CLVS1: variants seen among roughly 807,000 people sequenced by gnomAD.
CLVS1 encodes clavesin 1.
In CLVS1, 10 loss-of-function variants were observed where a neutral mutation model predicts 33.1. That is an observed-to-expected ratio of 0.30 (90% CI 0.19 to 0.51). The LOEUF is 0.51. CLVS1 is among the 20% of genes least tolerant of loss of function. The probability of loss-of-function intolerance (pLI) is 0.97; values close to 1 mark genes in which losing one functional copy is unlikely to be tolerated. For missense variants in CLVS1, 343 were observed against 433.4 expected (o/e 0.79, Z 1.85); for synonymous variants, 163 against 166.1 (o/e 0.98, Z 0.14).
intron 2 of CLVS1, among the ~76,000 whole-genome samples, chr8:61,352,510 CAAT>C (rs1390221781): frequency 1.3e-5 from 2 of 151,880 alleles, no homozygotes; most frequent in Non-Finnish European, 2.9e-5. Flanking sequence ...CAAGCTTCAA[CAAT>C]ATTTTACAAG....
the CLVS1 span, among the ~76,000 whole-genome samples, chr8:61,049,169 G>A: frequency 6.6e-6 from 1 of 152,136 alleles, no homozygotes; most frequent in African/African-American, 2.4e-5. Context: ...GAAGAGATGG[G>A]GTTACAGTGG....
intron 2 of CLVS1, among the ~76,000 whole-genome samples, chr8:61,164,195 G>T (rs1381901133): frequency 6.6e-6 from 1 of 152,212 alleles, no homozygotes; most frequent in East Asian, 1.9e-4. Context: ...AAAGATGGGT[G>T]CGGTCACCTT....
At chr8:61,471,369 G>T (rs1445328878) in intron 5 of CLVS1, among the ~76,000 whole-genome samples, 2 of 152,074 alleles carry the variant, frequency 1.3e-5, no homozygotes, top group Non-Finnish European at 2.9e-5. Flanking sequence ...TTTTGTCACG[G>T]TTTTGATTTC....
chr8:61,401,264 T>C (rs1814738719), intron 3 of CLVS1, among the ~76,000 whole-genome samples: 1 of 151,906 alleles, frequency 6.6e-6, no homozygotes, highest in Non-Finnish European at 1.5e-5. Context: ...TACATTTTAC[T>C]TATTTATTTT....
chr8:61,354,360 TG>T (rs1812598104), intron 2 of CLVS1, among the ~76,000 whole-genome samples: 1 of 152,044 alleles, frequency 6.6e-6, no homozygotes, highest in African/African-American at 2.4e-5. Context: ...TCATCAAGAT[TG>T]CCAGTGAAAA....
intron 1 of CLVS1, among the ~76,000 whole-genome samples, chr8:61,100,990 G>A (rs1287332952): frequency 6.6e-6 from 1 of 151,966 alleles, no homozygotes; most frequent in Non-Finnish European, 1.5e-5. Context: ...CAGACACATT[G>A]GTTGTTTTCA....
intron 3 of CLVS1, among the ~76,000 whole-genome samples, chr8:61,437,989 T>C (rs1284697829): frequency 6.6e-6 from 1 of 152,206 alleles, no homozygotes; most frequent in Non-Finnish European, 1.5e-5. Context: ...GGCCTCTGAA[T>C]TGATGTGTGA....
chr8:61,330,881 G>A (rs1474361254), intron 2 of CLVS1, among the ~76,000 whole-genome samples: 1 of 151,720 alleles, frequency 6.6e-6, no homozygotes, highest in African/African-American at 2.4e-5. Flanking sequence ...TTTGAGCCTG[G>A]GAGTTCAAGA....
intron 5 of CLVS1, among the ~76,000 whole-genome samples, chr8:61,463,413 G>A (rs1201764050): frequency 6.6e-6 from 1 of 152,150 alleles, no homozygotes; most frequent in Non-Finnish European, 1.5e-5. Flanking sequence ...CATGCAAGAG[G>A]CCTAGCTTTC....
At chr8:61,443,434 G>T (rs1391669202) in intron 3 of CLVS1, among the ~76,000 whole-genome samples, 2 of 151,744 alleles carry the variant, frequency 1.3e-5, no homozygotes, top group African/African-American at 4.8e-5. Context: ...GGTTAAGTCA[G>T]GTATTTTTTT....
upstream of CLVS1, among the ~76,000 whole-genome samples, chr8:61,285,273 G>A (rs994143899): frequency 6.6e-6 from 1 of 152,222 alleles, no homozygotes; most frequent in Non-Finnish European, 1.5e-5. Context: ...TTGGCTAGAT[G>A]TGAACTTAAT....
intron 2 of CLVS1, among the ~76,000 whole-genome samples, chr8:61,144,769 C>T (rs941143903): frequency 1.3e-5 from 2 of 152,190 alleles, no homozygotes; most frequent in African/African-American, 4.8e-5. Context: ...GAGATGGTAT[C>T]TCATTGTGCT....
chr8:61,160,546 C>A (rs1298407474), intron 2 of CLVS1, among the ~76,000 whole-genome samples: 1 of 152,196 alleles, frequency 6.6e-6, no homozygotes, highest in East Asian at 1.9e-4. Flanking sequence ...ACCCTCAGGG[C>A]CTTAGAGTAT....
the CLVS1 span, among the ~76,000 whole-genome samples, chr8:60,974,684 A>G: frequency 2.0e-5 from 3 of 152,054 alleles, no homozygotes; most frequent in Non-Finnish European, 4.4e-5. Flanking sequence ...GAATTGCTCC[A>G]AAGAGAATGG....
chr8:61,494,363 GC>G (rs1804198098), intron 5 of CLVS1, among the ~76,000 whole-genome samples: 2 of 152,134 alleles, frequency 1.3e-5, no homozygotes, highest in Non-Finnish European at 2.9e-5. Context: ...CTAGAATGAA[GC>G]CTTGTTAGAG....
At chr8:61,106,598 A>G (rs1237398258) in intron 1 of CLVS1, among the ~76,000 whole-genome samples, 1 of 152,212 alleles carries the variant, frequency 6.6e-6, no homozygotes, top group Non-Finnish European at 1.5e-5. Flanking sequence ...ACCTCCGCGC[A>G]GGCGGTGGAG....
chr8:61,217,651 A>T (rs1248872417), intron 2 of CLVS1, among the ~76,000 whole-genome samples: 1 of 152,202 alleles, frequency 6.6e-6, no homozygotes. Flanking sequence ...AAGTAGTCAA[A>T]GTAGTTGATT....
chr8:61,101,299 T>C (rs1375084593), intron 1 of CLVS1, among the ~76,000 whole-genome samples: 5 of 152,194 alleles, frequency 3.3e-5, no homozygotes, highest in Non-Finnish European at 7.4e-5. Flanking sequence ...CTCATTGTCA[T>C]TTTAGTTTGC....
chr8:61,144,532 T>C (rs1437390173), intron 2 of CLVS1, among the ~76,000 whole-genome samples: 1 of 152,192 alleles, frequency 6.6e-6, no homozygotes, highest in Non-Finnish European at 1.5e-5. Flanking sequence ...TGCATGTATC[T>C]TTATAGTAGA....
Sources: allele counts gnomAD v4.1 joint callset (sites outside exome capture counted in the v4.1 genomes callset), GRCh38; gene constraint gnomAD v4.1.1; transcripts MANE v1.5; gene names NCBI Gene and HGNC (gene_info 2026-07-23, HGNC 2026-07-21).